The following SHOX2 variants were observed in gnomAD, a reference collection of about 807,000 sequenced individuals.
SHOX2 encodes short stature homeobox protein 2.
In SHOX2, 13 loss-of-function variants were observed where a neutral mutation model predicts 31.3. That is an observed-to-expected ratio of 0.42 (90% CI 0.27 to 0.66). The LOEUF (loss-of-function observed/expected upper bound fraction) is 0.66. Ranked by LOEUF, SHOX2 falls within the 30% of genes least tolerant of loss-of-function variation. The pLI is 0.27. For synonymous variants in SHOX2, 244 were observed against 196.2 expected, an observed-to-expected ratio of 1.24 and a Z score of -2.04; for missense variants, 473 against 443.0, an observed-to-expected ratio of 1.07 and a Z score of -0.61.
chr3:158,105,048 C>T (rs1197289955), intron 1 of SHOX2: 3 of 568,854 alleles, frequency 5.3e-6, no homozygotes, highest in African/African-American at 2.0e-5. Flanking sequence ...CCCCCCCGCC[C>T]CCAACACACC....
chr3:158,105,848 G>A lies in SHOX2; in HGVS notation c.177C>T (p.Ala59=), dbSNP rs1559899688. Residue 59 remains alanine, a synonymous_variant, in exon 1 of 5, where the codon GCC becomes GCT. Coordinates refer to ENST00000483851, the MANE Select transcript of SHOX2 (RefSeq NM_001163678.2). ...DDRSSPAVRA[A]GGGGGGGGGG... ...CGCCTCCTCCGCCGCCGCCTCCGCCGGCCGCCCGGACTGCCGGGCTGCTGC... is the reference window on the plus strand; with the variant it reads ...CGCCTCCTCCGCCGCCGCCTCCGCCAGCCGCCCGGACTGCCGGGCTGCTGC... 6 of 1,437,804 alleles carry A rather than the reference G, an allele frequency of 4.2e-6. No individual in the cohort carries two copies. Among genetic ancestry groups the A allele is most frequent in the Non-Finnish European group, 4.5e-6 (5 of 1,100,556 alleles). The allele number at this position is 1,437,804 out of a possible 1,614,324, so 89.1% of individuals were successfully genotyped here. A position where few individuals can be genotyped will look rare whatever the true frequency, so the allele number is the denominator to read the frequency against.
rs1316861256 is a variant in SHOX2, at chr3:158,106,107, G to T, written c.-83C>A. ...TCCTTCTTCTTTTTTTACTGCTCCA[G>T]CCCCCCCAATAATAACACATCAATG... On this transcript the variant is annotated 5_prime_UTR_variant, in exon 1 of 5. In the 5' UTR this introduces an upstream ATG that the reference lacks. Coordinates refer to ENST00000483851, the MANE Select transcript of SHOX2 (RefSeq NM_001163678.2). 1 of 1,580,566 alleles carries T rather than the reference G, an allele frequency of 6.3e-7. No homozygotes were observed. Among genetic ancestry groups the T allele is most frequent in the Admixed American group, 1.8e-5 (1 of 56,662 alleles).
At position 158,098,134 on chromosome 3, in the gene SHOX2, C is replaced by T. The variant is rs767663985; in HGVS notation, c.853G>A (p.Ala285Thr). 6 of 1,613,272 alleles carry T rather than the reference C, an allele frequency of 3.7e-6. No individual in the cohort carries two copies. The highest frequency in any genetic ancestry group is 1.7e-4 in the Middle Eastern group (1 of 6,028). Residue 285 changes from alanine (A) to threonine (T), a missense_variant, in exon 5 of 5, where the codon GCC becomes ACC. Coordinates refer to ENST00000483851, the MANE Select transcript of SHOX2 (RefSeq NM_001163678.2). ...GCTGCTGCGGCCGCCACTACCGAGG[C>T]GGCGGAAGCCGAATCCGCGGCCAGC... ...ATLAADSASA[A>T]SVVAAAAAAK...
At chr3:158,105,079 C>T (rs1019271196) in intron 1 of SHOX2, 11 of 1,432,168 alleles carry the variant, frequency 7.7e-6, no homozygotes, top group Admixed American at 2.1e-5. Flanking sequence ...AACGCCTCGC[C>T]CGGGAGAAGC....
intron 2 of SHOX2, among the ~76,000 whole-genome samples, chr3:158,101,991 G>C (rs1314092678): frequency 2.0e-5 from 3 of 152,256 alleles, no homozygotes; most frequent in Admixed American, 1.3e-4. Flanking sequence ...TGGAGGGCAG[G>C]CTTTGGAAAT....
intron 1 of SHOX2, among the ~76,000 whole-genome samples, chr3:158,104,540 G>C (rs1401118614): frequency 6.6e-6 from 1 of 152,182 alleles, no homozygotes. Context: ...ATATTGTATT[G>C]AAATTTAAAT....
At chr3:158,105,054 A>G in intron 1 of SHOX2, 1 of 344,378 alleles carries the variant, frequency 2.9e-6, no homozygotes, top group Non-Finnish European at 4.7e-6. Context: ...CGCCCCCAAC[A>G]CACCAAGAAA....
chr3:158,102,899 C>T lies in SHOX2; in HGVS notation c.347-13G>A, dbSNP rs1486894062. 3 of 1,612,502 alleles carry T rather than the reference C, an allele frequency of 1.9e-6. No individual in the cohort carries two copies. Among genetic ancestry groups the T allele is most frequent in the African/African-American group, 1.3e-5 (1 of 74,804 alleles). ...AGCTCCGGGGACACTGGAGGGGGCA[C>T]CCCAGCGGGGCCACACGTGCATCCA... On this transcript the variant is annotated splice_polypyrimidine_tract_variant and intron_variant, in intron 1 of 4. Transcript: ENST00000483851.
rs773977997 is a variant in SHOX2, at chr3:158,105,797, TCCTCCGCCTCCTCCGCCGCCG to T, written c.207_227del (p.Gly71_Gly77del). On this transcript the variant is annotated inframe_deletion, in exon 1 of 5. Transcript: ENST00000483851. Reference sequence around the variant, plus strand: ...CGCCTGCTCCTCCTCCTCCTACACCTCCTCCGCCTCCTCCGCCGCCGCCTCCGCCTCCTCCGCCGCCGCCTC... The same window carrying T: ...CGCCTGCTCCTCCTCCTCCTACACCTCCTCCGCCTCCTCCGCCGCCGCCTC... The T allele has an allele frequency of 3.2e-4, 467 of 1,470,716 alleles. 1 individual carries two copies. Among genetic ancestry groups the T allele is most frequent in the South Asian group, 6.9e-4 (52 of 75,588 alleles). 91.1% of individuals were successfully genotyped at this position (1,470,716 alleles called of 1,614,324 possible).
Position 158,105,740 on chromosome 3 carries a change from C to G in SHOX2, c.285G>C (p.Arg95=). The change falls in exon 1 of 5, where the codon CGG becomes CGC. Residue 95 remains arginine (R), a synonymous_variant. Coordinates refer to ENST00000483851, the MANE Select transcript of SHOX2 (RefSeq NM_001163678.2). ...GGAGGGRSPV[R]ELDMGAAERS... ...TCTCGGCGGCGCCCATGTCCAGCTC[C>G]CGGACGGGAGAGCGCCCTCCTCCAG... 3 of 1,524,216 alleles carry G rather than the reference C, an allele frequency of 2.0e-6. No individual in the cohort carries two copies. Among genetic ancestry groups the G allele is most frequent in the Non-Finnish European group, 2.6e-6 (3 of 1,136,876 alleles). 94.4% of individuals were successfully genotyped at this position (1,524,216 alleles called of 1,614,324 possible). A position where few individuals can be genotyped will look rare whatever the true frequency, so the allele number is the denominator to read the frequency against.
chr3:158,106,083 CCTT>C lies in SHOX2; in HGVS notation c.-62_-60del, dbSNP rs1232197763. 2.9e-5 allele frequency: 47 copies of C among 1,603,662 alleles called. No individual in the cohort carries two copies. In the Middle Eastern group the frequency reaches 5.0e-4, roughly 17 times the overall value. ...GCCAGCAGAGCCCCGCTCTTTTTTT[CCTT>C]CTTCTTTTTTTACTGCTCCAGCCCC... On this transcript the variant is annotated 5_prime_UTR_variant, in exon 1 of 5. Transcript: ENST00000483851.
In SHOX2 at chr3:158,098,216, G is replaced by A. The variant is rs150931445; in HGVS notation, c.771C>T (p.Ala257=). 5.3e-4 allele frequency: 862 copies of A among 1,613,916 alleles called. 3 individuals are homozygous for A. The highest frequency in any genetic ancestry group is 3.6e-4 in the Non-Finnish European group (421 of 1,179,906). The change falls in exon 5 of 5, where the codon GCC becomes GCT. Residue 257 remains alanine (A), a synonymous_variant. Coordinates refer to ENST00000483851, the MANE Select transcript of SHOX2 (RefSeq NM_001163678.2). ...GGAACATCATGTAGGGCGCGTGCGC[G>A]GCCAGGTGCGGATGCAGGTGGTGGT... The part of the protein sequence containing the change: ...HAHHHLHPHL[A]AHAPYMMFPA...
chr3:158,105,115 T>C (rs1358361582), intron 1 of SHOX2: 35 of 1,443,886 alleles, frequency 2.4e-5, no homozygotes, highest in Non-Finnish European at 2.8e-5. Flanking sequence ...TCAGCTTTCG[T>C]TGGCTTCCTT....
At position 158,096,463 on chromosome 3, in the gene SHOX2, T is replaced by C. The variant is rs1399461496; in HGVS notation, c.*1564A>G. The C allele has an allele frequency of 7.4e-5, 11 of 148,826 alleles. No homozygotes were observed. 9.2% of individuals were successfully genotyped at this position (148,826 alleles called of 1,614,324 possible). A position where few individuals can be genotyped will look rare whatever the true frequency, so the allele number is the denominator to read the frequency against. ...AAACAAAAAAAAAAGGTTACTTGAATAGATACACCTTTGTGAGATAAAATG... is the reference window on the plus strand; with the variant it reads ...AAACAAAAAAAAAAGGTTACTTGAACAGATACACCTTTGTGAGATAAAATG... On this transcript the variant is annotated 3_prime_UTR_variant, in exon 5 of 5. Transcript: ENST00000483851.
Position 158,099,673 on chromosome 3 carries a change from A to C in SHOX2, c.702+187T>G, listed in dbSNP as rs540007285. Among the ~76,000 whole-genome samples, 28 of 152,330 alleles carry C rather than the reference A, an allele frequency of 1.8e-4. No homozygotes were observed. The South Asian group carries it at 5.4e-3, about 29-fold the overall frequency. Reference sequence around the variant, plus strand: ...GATTCCCATGAGGACAGAAGGGACTAGGCATTCAGGCCTTTAATACCGTAT... The same window carrying C: ...GATTCCCATGAGGACAGAAGGGACTCGGCATTCAGGCCTTTAATACCGTAT... On this transcript the variant is annotated intron_variant, in intron 4 of 4. Transcript: ENST00000483851.
chr3:158,099,656 T>G (rs1391820226), intron 4 of SHOX2, among the ~76,000 whole-genome samples: 1 of 152,188 alleles, frequency 6.6e-6, no homozygotes, highest in Non-Finnish European at 1.5e-5. Flanking sequence ...GGGATTCCCA[T>G]GAGGACAGAA....
chr3:158,101,183 T>C (rs530650256), intron 2 of SHOX2, among the ~76,000 whole-genome samples: 3 of 152,368 alleles, frequency 2.0e-5, no homozygotes, highest in African/African-American at 7.2e-5. Flanking sequence ...AGCATATTGA[T>C]TGACTCACAA....
intron 1 of SHOX2, chr3:158,103,125 T>C (rs1713622313): frequency 1.7e-6 from 1 of 575,592 alleles, no homozygotes; most frequent in East Asian, 3.0e-5. Context: ...AGGTGGGCAG[T>C]CATCCACCAC....
In SHOX2 at chr3:158,106,313, C is replaced by A; in HGVS notation, c.-289G>T. On this transcript the variant is annotated 5_prime_UTR_variant, in exon 1 of 5. Coordinates refer to ENST00000483851, the MANE Select transcript of SHOX2 (RefSeq NM_001163678.2). ...AGGAGGAGGAGGAGAAGAGAAGGGG[C>A]GGGGGCTGCCGGAGGGAAATGGGAA... 2 of 424,626 alleles carry A rather than the reference C, an allele frequency of 4.7e-6. No homozygotes were observed. Among genetic ancestry groups the A allele is most frequent in the South Asian group, 2.5e-5 (1 of 39,484 alleles). The allele number at this position is 424,626 out of a possible 1,614,324, so 26.3% of individuals were successfully genotyped here.
Sources: gnomAD v4.1 joint callset for allele counts (sites outside exome capture counted in the v4.1 genomes callset) on GRCh38, gnomAD v4.1.1 for gene constraint, MANE v1.5 for transcripts, NCBI Gene and HGNC (gene_info 2026-07-23, HGNC 2026-07-21) for gene names.